The following RBFOX2 variants were observed in gnomAD, a reference collection of about 807,000 sequenced individuals.
RBFOX2 encodes RNA binding protein fox-1 homolog 2.
In RBFOX2, 10 loss-of-function variants were observed where a neutral mutation model predicts 49.1. The ratio of observed to expected loss-of-function variants is 0.20; its 90% CI spans 0.13 to 0.35. The LOEUF (loss-of-function observed/expected upper bound fraction) is 0.35, where lower values mean the gene tolerates loss of function less well. Ranked by LOEUF, RBFOX2 falls within the 10% of genes least tolerant of loss-of-function variation. RBFOX2 has a pLI of 1.00. For synonymous variants in RBFOX2, 183 were observed against 187.4 expected (o/e 0.98, Z 0.19); for missense variants, 323 against 486.9 (o/e 0.66, Z 3.17).
In RBFOX2 at chr22:35,759,804, A is replaced by G. The variant is rs1938111894; in HGVS notation, c.887+84T>C. 3.8e-6 allele frequency: 6 copies of G among 1,562,306 alleles called. No individual in the cohort carries two copies. The East Asian group carries it at 1.4e-4, about 35-fold the overall frequency. Reference sequence around the variant, plus strand: ...CTACTCTGTGACACGGCAACATCCCAGAAGTTATGAAAGGGCCATGGTATT... The same window carrying G: ...CTACTCTGTGACACGGCAACATCCCGGAAGTTATGAAAGGGCCATGGTATT... On this transcript the variant is annotated intron_variant, in intron 9 of 11. Coordinates refer to ENST00000405409, the Ensembl canonical transcript of RBFOX2. This position sits in a 1 kb window ranked among gnomAD's most constrained non-coding sequence, Gnocchi z 4.6.
chr22:35,891,626 C>T (rs1273314573), intron 1 of RBFOX2, among the ~76,000 whole-genome samples: 1 of 152,164 alleles, frequency 6.6e-6, no homozygotes, highest in African/African-American at 2.4e-5. Context: ...GGCCTGGTGC[C>T]TGTCCAGCTA....
chr22:35,928,071 G>A (rs2051886150), intron 1 of RBFOX2, among the ~76,000 whole-genome samples: 2 of 152,092 alleles, frequency 1.3e-5, no homozygotes, highest in Admixed American at 6.5e-5. Context: ...ATTTACATAT[G>A]TTATCTCTAA....
At chr22:35,885,918 A>G (rs2046513309) in intron 1 of RBFOX2, among the ~76,000 whole-genome samples, 1 of 125,416 alleles carries the variant, frequency 8.0e-6, no homozygotes, top group Admixed American at 1.0e-4. Flanking sequence ...GTGCAGTGGC[A>G]CGATCTGGGC....
intron 1 of RBFOX2, among the ~76,000 whole-genome samples, chr22:35,830,924 G>A (rs187036316): frequency 1.6e-4 from 24 of 152,128 alleles, no homozygotes; most frequent in African/African-American, 5.5e-4. Flanking sequence ...AGCAAATCAG[G>A]GGATTCATTC....
chr22:35,975,808 T>C (rs2057118689), intron 1 of RBFOX2, among the ~76,000 whole-genome samples: 1 of 152,238 alleles, frequency 6.6e-6, no homozygotes. Flanking sequence ...TCCAATTTGA[T>C]TTCTGGTCAA....
intron 11 of RBFOX2, among the ~76,000 whole-genome samples, chr22:35,745,131 T>TA (rs1932028011): frequency 6.6e-6 from 1 of 152,240 alleles, no homozygotes; most frequent in African/African-American, 2.4e-5. Flanking sequence ...CTTTAGGTCT[T>TA]ACATTTTACA....
chr22:35,759,767 T>C lies in RBFOX2; in HGVS notation c.887+121A>G, dbSNP rs1423348840. 9.9e-6 allele frequency: 13 copies of C among 1,316,064 alleles called. No individual in the cohort carries two copies. In the Admixed American group the frequency reaches 2.2e-4, roughly 23 times the overall value. The allele number at this position is 1,316,064 out of a possible 1,614,324, so 81.5% of individuals were successfully genotyped here. ...CATCTAATCTGTTAATTTGCAAATATTCACTGAATGCCTACTCTGTGACAC... is the reference window on the plus strand; with the variant it reads ...CATCTAATCTGTTAATTTGCAAATACTCACTGAATGCCTACTCTGTGACAC... On this transcript the variant is annotated intron_variant, in intron 9 of 11. Transcript: ENST00000405409. The surrounding 1 kb of genome is among the most constrained non-coding windows in gnomAD (Gnocchi z 4.6).
exon 2 of RBFOX2, chr22:35,809,928 T>C: frequency 6.2e-7 from 1 of 1,614,154 alleles, no homozygotes; most frequent in Non-Finnish European, 8.5e-7. Flanking sequence ...AATTCCATTC[T>C]GCGGAGGTGG....
chr22:35,765,524 AC>A, intron 5 of RBFOX2, 41 bp from the exon 7 acceptor site: 1 of 1,316,750 alleles, frequency 7.6e-7, no homozygotes, highest in Non-Finnish European at 1.1e-6. Context: ...GAAGAAGTGG[AC>A]CACATTAGGG....
At chr22:35,794,855 G>A (rs914299244) in intron 2 of RBFOX2, among the ~76,000 whole-genome samples, 4 of 152,104 alleles carry the variant, frequency 2.6e-5, no homozygotes, top group Non-Finnish European at 5.9e-5. Context: ...GCATTAACGC[G>A]CCTAGCAATT....
rs113646997 is a variant in RBFOX2, at chr22:35,953,282, C to A, written c.42+8281G>T. 3.1e-3 allele frequency among the ~76,000 whole-genome samples: 355 copies of A among 116,364 alleles called. 1 individual carries two copies. Among genetic ancestry groups the A allele is most frequent in the African/African-American group, 0.011 (346 of 30,884 alleles). The allele number at this position is 116,364 out of a possible 152,430, so 76.3% of individuals were successfully genotyped here. ...GTCCATTAAGGGATAAACAGATAAA[C>A]AAATTGTGCTATATACACACAAAGG... On this transcript the variant is annotated intron_variant, in intron 1 of 5. Coordinates refer to the RBFOX2 transcript ENST00000408983.
At chr22:35,837,142 TAAAAC>T (rs2054301849) in intron 1 of RBFOX2, among the ~76,000 whole-genome samples, 1 of 152,152 alleles carries the variant, frequency 6.6e-6, no homozygotes, top group African/African-American at 2.4e-5. Context: ...GTTTGATAAT[TAAAAC>T]AAAAACAGGC....
intron 1 of RBFOX2, among the ~76,000 whole-genome samples, chr22:36,003,460 A>G (rs1218212520): frequency 6.6e-6 from 1 of 152,206 alleles, no homozygotes; most frequent in African/African-American, 2.4e-5. Flanking sequence ...GGGGGAAAAA[A>G]TTAGATGTAG....
intron 4 of RBFOX2, among the ~76,000 whole-genome samples, chr22:35,773,282 C>T (rs1231115085): frequency 6.6e-6 from 1 of 151,986 alleles, no homozygotes; most frequent in Non-Finnish European, 1.5e-5. Context: ...CAGCAAATTA[C>T]TTGTGTCTAA....
chr22:35,979,152 A>G (rs1246700255), intron 1 of RBFOX2, among the ~76,000 whole-genome samples: 2 of 152,184 alleles, frequency 1.3e-5, no homozygotes, highest in Admixed American at 6.5e-5. Context: ...GCCGAAAATG[A>G]TATTACTGCT....
exon 12 of RBFOX2, chr22:35,739,123 G>T: frequency 6.5e-6 from 1 of 154,346 alleles, no homozygotes. Context: ...GAGGACGGGA[G>T]GGGAGAGAGA....
At chr22:35,885,842 A>ATT (rs2046489231) in intron 1 of RBFOX2, among the ~76,000 whole-genome samples, 1 of 129,334 alleles carries the variant, frequency 7.7e-6, no homozygotes, top group African/African-American at 3.1e-5. Context: ...ACCCAAACCT[A>ATT]ATTTTTTTTT....
At chr22:35,947,452 T>TAA (rs951058777) in intron 1 of RBFOX2, among the ~76,000 whole-genome samples, 1 of 146,836 alleles carries the variant, frequency 6.8e-6, no homozygotes, top group Non-Finnish European at 1.5e-5. Flanking sequence ...TCTACTTATG[T>TAA]AAAAAAAAAA....
At chr22:35,846,675 A>C (rs903280778) in intron 1 of RBFOX2, among the ~76,000 whole-genome samples, 1 of 152,082 alleles carries the variant, frequency 6.6e-6, no homozygotes, top group Non-Finnish European at 1.5e-5. Context: ...GAACTGCTTG[A>C]ACCCGGGAGG....
Sources: allele counts gnomAD v4.1 joint callset (sites outside exome capture counted in the v4.1 genomes callset), GRCh38; gene constraint gnomAD v4.1.1; non-coding constraint Gnocchi (gnomAD v3.1); transcripts MANE v1.5; gene names NCBI Gene and HGNC (gene_info 2026-07-23, HGNC 2026-07-21).